The following PDE4B variants were observed in gnomAD, a reference collection of about 807,000 sequenced individuals.
PDE4B encodes phosphodiesterase 4B.
A neutral mutation model predicts 82.2 loss-of-function variants in PDE4B; 20 were observed. The observed-to-expected ratio is 0.24, with a 90% CI of 0.17 to 0.35. PDE4B has a LOEUF of 0.35. Ranked by LOEUF, PDE4B falls within the 10% of genes least tolerant of loss-of-function variation. The pLI is 1.00. For synonymous variants in PDE4B, 320 were observed against 318.9 expected (o/e 1.00, Z -0.04); for missense variants, 655 against 907.2 (o/e 0.72, Z 3.57).
chr1:66,143,847 A>G (rs1028802728), intron 3 of PDE4B, among the ~76,000 whole-genome samples: 29 of 152,224 alleles, frequency 1.9e-4, no homozygotes, highest in Non-Finnish European at 3.7e-4. Flanking sequence ...ATGGGCAGCC[A>G]TCTTGTAACC....
At chr1:66,229,311 C>G (rs1651756220) in intron 3 of PDE4B, among the ~76,000 whole-genome samples, 1 of 152,208 alleles carries the variant, frequency 6.6e-6, no homozygotes, top group Non-Finnish European at 1.5e-5. Flanking sequence ...GCCCGGCCCC[C>G]CAGAGGCTTC....
At chr1:65,893,623 A>G (rs1354116219) in intron 1 of PDE4B, among the ~76,000 whole-genome samples, 1 of 152,062 alleles carries the variant, frequency 6.6e-6, no homozygotes, top group African/African-American at 2.4e-5. Flanking sequence ...CTACCATTCA[A>G]TCCAGCAGTC....
At chr1:65,895,421 G>T (rs1030383571) in intron 1 of PDE4B, among the ~76,000 whole-genome samples, 1 of 151,676 alleles carries the variant, frequency 6.6e-6, no homozygotes, top group African/African-American at 2.4e-5. Context: ...ATGGTGGCAG[G>T]CACCTGTAAT....
intron 3 of PDE4B, among the ~76,000 whole-genome samples, chr1:66,201,386 T>G (rs897253436): frequency 1.4e-4 from 21 of 152,228 alleles, no homozygotes; most frequent in African/African-American, 5.1e-4. Flanking sequence ...GGATTCCCTC[T>G]TTTTCTATTG....
chr1:65,847,626 C>T (rs1278183309), intron 1 of PDE4B, among the ~76,000 whole-genome samples: 15 of 152,200 alleles, frequency 9.9e-5, no homozygotes, highest in Non-Finnish European at 1.5e-5. Flanking sequence ...CTGCAGTTCT[C>T]AGCAGCCTGT....
chr1:66,247,776 G>A (rs1234925827), intron 4 of PDE4B, 122 bp downstream of exon 4: 4 of 687,302 alleles, frequency 5.8e-6, no homozygotes, highest in Non-Finnish European at 9.3e-6. Context: ...AAATGAATAT[G>A]AGCAGGGGTG....
intron 7 of PDE4B, among the ~76,000 whole-genome samples, chr1:66,298,450 C>A (rs1657662989): frequency 6.6e-6 from 1 of 152,112 alleles, no homozygotes; most frequent in Admixed American, 6.6e-5. Flanking sequence ...GTGCCAGATA[C>A]TTCATGGGTC....
chr1:66,367,906 G>T, intron 14 of PDE4B, 37 bp from the exon 15 acceptor site: 1 of 1,613,006 alleles, frequency 6.2e-7, no homozygotes. Flanking sequence ...CTGATAGACT[G>T]AATTTATTAA....
At chr1:66,180,378 G>T (rs1181736296) in intron 3 of PDE4B, among the ~76,000 whole-genome samples, 15 of 152,212 alleles carry the variant, frequency 9.9e-5, no homozygotes, top group African/African-American at 3.4e-4. Context: ...TATAGGGTTT[G>T]TTGTGACATG....
intron 4 of PDE4B, among the ~76,000 whole-genome samples, chr1:66,250,557 G>C (rs1653681426): frequency 6.6e-6 from 1 of 152,196 alleles, no homozygotes; most frequent in African/African-American, 2.4e-5. Context: ...GAGAGGATCA[G>C]AATAAGGCTT....
intron 3 of PDE4B, among the ~76,000 whole-genome samples, chr1:66,035,771 T>C (rs1243968518): frequency 6.6e-6 from 1 of 152,224 alleles, no homozygotes; most frequent in Admixed American, 6.5e-5. Context: ...TATTTCCATA[T>C]CTTGGCTATA....
At chr1:66,055,525 C>T (rs1287542423) in intron 3 of PDE4B, among the ~76,000 whole-genome samples, 1 of 152,152 alleles carries the variant, frequency 6.6e-6, no homozygotes, top group Non-Finnish European at 1.5e-5. Context: ...TTTCAATACT[C>T]TGATGAGATA....
At chr1:65,878,841 A>G (rs548606753) in intron 1 of PDE4B, among the ~76,000 whole-genome samples, 2 of 152,310 alleles carry the variant, frequency 1.3e-5, no homozygotes, top group South Asian at 4.1e-4. Flanking sequence ...TGGCACATGT[A>G]TACCTATGTA....
At chr1:66,220,820 A>C (rs1650923518) in intron 3 of PDE4B, among the ~76,000 whole-genome samples, 1 of 152,144 alleles carries the variant, frequency 6.6e-6, no homozygotes, top group Non-Finnish European at 1.5e-5. Flanking sequence ...GAACAAGAGA[A>C]GTTGAAAATG....
At chr1:66,257,298 C>T in intron 4 of PDE4B, 1 of 398,026 alleles carries the variant, frequency 2.5e-6, no homozygotes, top group Non-Finnish European at 4.9e-6. Context: ...AGCAGCCCTC[C>T]CTTTGAATTT....
In PDE4B at chr1:65,946,306, G is replaced by C. The variant is rs369156068; in HGVS notation, c.281+27471G>C. Among the ~76,000 whole-genome samples, 11 of 152,074 alleles carry C rather than the reference G, an allele frequency of 7.2e-5. No homozygotes were observed. In the South Asian group the frequency reaches 1.0e-3, roughly 14 times the overall value. On this transcript the variant is annotated intron_variant, in intron 3 of 16. Transcript: ENST00000341517. ...TGCTGCTGGGGTCACCTGATTTTAT[G>C]ATTTGTTGGATCTATTGGTATCTGT...
At chr1:66,162,020 C>T (rs1230908446) in intron 3 of PDE4B, among the ~76,000 whole-genome samples, 17 of 152,080 alleles carry the variant, frequency 1.1e-4, no homozygotes, top group Admixed American at 1.1e-3. Context: ...AAGCCCTTAG[C>T]ACTCATCAGT....
chr1:66,090,619 A>G (rs796317357), intron 3 of PDE4B, among the ~76,000 whole-genome samples: 8,222 of 18,176 alleles, frequency 0.45, 738 homozygotes, highest in East Asian at 0.62. Context: ...TGTATATAAT[A>G]TATGTGTGTG....
In PDE4B at chr1:66,005,622, T is replaced by C. The variant is rs368700450; in HGVS notation, c.281+86787T>C. 7.9e-5 allele frequency among the ~76,000 whole-genome samples: 12 copies of C among 152,304 alleles called. No individual in the cohort carries two copies. In the East Asian group the frequency reaches 1.4e-3, roughly 17 times the overall value. ...TTATTCAAATCAACTCACAGCTTAGTAACATTGAAAAATAAAGTAAACTAC... is the reference window on the plus strand; with the variant it reads ...TTATTCAAATCAACTCACAGCTTAGCAACATTGAAAAATAAAGTAAACTAC... On this transcript the variant is annotated intron_variant, in intron 3 of 16. Coordinates refer to ENST00000341517, the MANE Select transcript of PDE4B (RefSeq NM_002600.4).
Sources: allele counts gnomAD v4.1 joint callset (sites outside exome capture counted in the v4.1 genomes callset), GRCh38; gene constraint gnomAD v4.1.1; transcripts MANE v1.5; gene names NCBI Gene and HGNC (gene_info 2026-07-23, HGNC 2026-07-21).